The following PRIMPOL variants were observed in gnomAD, a reference collection of about 807,000 sequenced individuals.
PRIMPOL encodes primase and DNA directed polymerase.
In PRIMPOL, 54 loss-of-function variants were observed where a neutral mutation model predicts 63.6. The observed-to-expected ratio is 0.85, with a 90% CI of 0.68 to 1.07. The LOEUF is 1.07. PRIMPOL is among the 50% of genes least tolerant of loss of function. The pLI is 0.00. For synonymous variants in PRIMPOL, 197 were observed against 220.2 expected (o/e 0.89, Z 0.93); for missense variants, 610 against 648.3 (o/e 0.94, Z 0.64).
chr4:184,659,300 T>G, intron 3 of PRIMPOL, 40 bp from the exon 4 acceptor site: 2 of 1,493,898 alleles, frequency 1.3e-6, no homozygotes, highest in Non-Finnish European at 1.9e-6. Flanking sequence ...TAGGTTTGCA[T>G]TTTGTGAATT....
At chr4:184,685,806 T>TA in intron 11 of PRIMPOL, 122 bp downstream of exon 11, 1 of 548,802 alleles carries the variant, frequency 1.8e-6, no homozygotes. Flanking sequence ...GTATTAAATT[T>TA]CTTTTTTTTT....
chr4:184,677,583 C>T (rs1754453085), intron 7 of PRIMPOL, among the ~76,000 whole-genome samples: 1 of 152,012 alleles, frequency 6.6e-6, no homozygotes, highest in South Asian at 2.1e-4. Context: ...AAAACAATTC[C>T]TCTAAGTTTG....
chr4:184,694,938 T>A lies in PRIMPOL; in HGVS notation c.*159T>A. On this transcript the variant is annotated 3_prime_UTR_variant, in exon 14 of 14. Coordinates refer to ENST00000314970, the MANE Select transcript of PRIMPOL (RefSeq NM_152683.4). ...TCTGTAAACCAATTTCATTAAAAATTAGCTTTGGTGTAAATTCAGGAGAAA... is the reference window on the plus strand; with the variant it reads ...TCTGTAAACCAATTTCATTAAAAATAAGCTTTGGTGTAAATTCAGGAGAAA... 1 of 617,512 alleles carries A rather than the reference T, an allele frequency of 1.6e-6. No individual in the cohort carries two copies. The highest frequency in any genetic ancestry group is 2.7e-6 in the Non-Finnish European group (1 of 365,696). The allele number at this position is 617,512 out of a possible 1,614,324, so 38.3% of individuals were successfully genotyped here.
At position 184,665,712 on chromosome 4, in the gene PRIMPOL, C is replaced by T. The variant is rs150877175; in HGVS notation, c.409-205C>T. Among the ~76,000 whole-genome samples the T allele has an allele frequency of 3.5e-3, 533 of 151,912 alleles. 5 individuals carry two copies. Among genetic ancestry groups the T allele is most frequent in the African/African-American group, 0.012 (492 of 41,448 alleles). On this transcript the variant is annotated intron_variant, in intron 5 of 13. Coordinates refer to ENST00000314970, the MANE Select transcript of PRIMPOL (RefSeq NM_152683.4). Reference sequence around the variant, plus strand: ...TAGAGACTGGGTTTTACCATGTTGGCTAGGCTGGTCTCAAACTTCTGACTT... The same window carrying T: ...TAGAGACTGGGTTTTACCATGTTGGTTAGGCTGGTCTCAAACTTCTGACTT...
rs907749283 is a variant in PRIMPOL, at chr4:184,649,824, A to G, written c.-222A>G. 1 of 152,308 alleles carries G rather than the reference A, an allele frequency of 6.6e-6. No homozygotes were observed. Among genetic ancestry groups the G allele is most frequent in the South Asian group, 2.1e-4 (1 of 4,836 alleles). 9.4% of individuals were successfully genotyped at this position (152,308 alleles called of 1,614,324 possible). A position where few individuals can be genotyped will look rare whatever the true frequency, so the allele number is the denominator to read the frequency against. On this transcript the variant is annotated 5_prime_UTR_variant, in exon 1 of 14. Coordinates refer to ENST00000314970, the MANE Select transcript of PRIMPOL (RefSeq NM_152683.4). ...AGACTTGGAAACCGCGCCAGGCCCA[A>G]CGGGTACCTAGAAGGGAGACAAAGC...
rs1054976191 is a variant in PRIMPOL at position 184,692,372 on chromosome 4, G to A, written c.1425+660G>A. 2.0e-5 allele frequency among the ~76,000 whole-genome samples: 3 copies of A among 150,776 alleles called. No individual in the cohort carries two copies. The Admixed American group carries it at 2.0e-4, about 10-fold the overall frequency. Reference sequence around the variant, plus strand: ...GCCTATAATCCCAGCTACTCAGGAGGCTGAGGCAGGAGAATCCCTTGAACC... The same window carrying A: ...GCCTATAATCCCAGCTACTCAGGAGACTGAGGCAGGAGAATCCCTTGAACC... On this transcript the variant is annotated intron_variant, in intron 13 of 13. Transcript: ENST00000314970.
chr4:184,670,833 G>A (rs921875734), intron 6 of PRIMPOL, among the ~76,000 whole-genome samples: 4 of 152,038 alleles, frequency 2.6e-5, no homozygotes, highest in Non-Finnish European at 5.9e-5. Flanking sequence ...ACAGGCATGA[G>A]CCACCACACC....
intron 7 of PRIMPOL, among the ~76,000 whole-genome samples, chr4:184,674,357 A>C: frequency 6.6e-6 from 1 of 152,116 alleles, no homozygotes; most frequent in Non-Finnish European, 1.5e-5. Context: ...CAGAATGAAC[A>C]CCCCTTGTCA....
Position 184,691,562 on chromosome 4 carries a change from A to C in PRIMPOL, c.1359A>C (p.Ala453=). The C allele has an allele frequency of 6.2e-7, 1 of 1,608,906 alleles. No homozygotes were observed. Among genetic ancestry groups the C allele is most frequent in the Non-Finnish European group, 8.5e-7 (1 of 1,176,714 alleles). ...YQKCHDPVCK[A]ENFKSDCFPL... ...AATGTCATGACCCTGTATGTAAAGC[A>C]GAAAACTTCAAATCTGACTGTAAGT... is the stretch of plus-strand genomic sequence containing the variant. The change falls in exon 12 of 14, where the codon GCA becomes GCC. Residue 453 remains alanine, a synonymous_variant. Transcript: ENST00000314970.
chr4:184,685,807 CT>C (rs34039283), intron 11 of PRIMPOL, 123 bp downstream of exon 11: 1,973 of 490,284 alleles, frequency 4.0e-3, no homozygotes, highest in South Asian at 5.4e-3. Context: ...TATTAAATTT[CT>C]TTTTTTTTTC....
chr4:184,661,700 G>A (rs1218508750), intron 4 of PRIMPOL, 74 bp from the exon 5 acceptor site: 3 of 1,043,322 alleles, frequency 2.9e-6, no homozygotes, highest in African/African-American at 1.6e-5. Flanking sequence ...AGCTGACTCA[G>A]TCTCAGTCAG....
rs751586530 is a variant in PRIMPOL at position 184,685,679 on chromosome 4, T to G, written c.1290T>G (p.Asn430Lys). 2 of 1,416,288 alleles carry G rather than the reference T, an allele frequency of 1.4e-6. No individual in the cohort carries two copies. Among genetic ancestry groups the G allele is most frequent in the East Asian group, 4.6e-5 (2 of 43,768 alleles). The allele number at this position is 1,416,288 out of a possible 1,614,324, so 87.7% of individuals were successfully genotyped here. A position where few individuals can be genotyped will look rare whatever the true frequency, so the allele number is the denominator to read the frequency against. The change falls in exon 11 of 14, where the codon AAT becomes AAG. Residue 430 changes from asparagine to lysine, a missense_variant. Transcript: ENST00000314970. ...ENIGRAHKSN[N>K]IMILVDLKNE... Reference sequence around the variant, plus strand: ...TTGGAAGAGCCCATAAGAGTAATAATATAATGTAAGTAATATTAATGATTT... The same window carrying G: ...TTGGAAGAGCCCATAAGAGTAATAAGATAATGTAAGTAATATTAATGATTT...
At chr4:184,686,449 A>G (rs1402179899) in intron 11 of PRIMPOL, among the ~76,000 whole-genome samples, 1 of 152,218 alleles carries the variant, frequency 6.6e-6, no homozygotes, top group Admixed American at 6.5e-5. Flanking sequence ...AAGACACAGC[A>G]TGGTACTGAG....
chr4:184,653,836 A>G (rs1245838628), intron 2 of PRIMPOL, among the ~76,000 whole-genome samples: 1 of 152,168 alleles, frequency 6.6e-6, no homozygotes, highest in African/African-American at 2.4e-5. Flanking sequence ...GAGGGGAGGG[A>G]TGAGGAATGT....
intron 3 of PRIMPOL, among the ~76,000 whole-genome samples, chr4:184,658,060 G>A (rs920629573): frequency 2.8e-5 from 4 of 140,448 alleles, no homozygotes; most frequent in Non-Finnish European, 6.1e-5. Context: ...CAACAGATGT[G>A]TATTGCACAT....
chr4:184,657,259 C>G lies in PRIMPOL; in HGVS notation c.119C>G (p.Ser40Cys), dbSNP rs776795392. 6 of 1,613,774 alleles carry G rather than the reference C, an allele frequency of 3.7e-6. No individual in the cohort carries two copies. In the Admixed American group the frequency reaches 1.0e-4, roughly 27 times the overall value. The change falls in exon 3 of 14, where the codon TCC (serine) becomes TGC (cysteine). Residue 40 changes from serine to cysteine, a missense_variant. Transcript: ENST00000314970. ...PRLSKPEEPP[S>C]IWRLFHRQAQ... ...TTGTCCAAGCCAGAAGAACCACCCTCCATCTGGAGACTATTTCATCGACAA... is the reference window on the plus strand; with the variant it reads ...TTGTCCAAGCCAGAAGAACCACCCTGCATCTGGAGACTATTTCATCGACAA...
chr4:184,670,736 C>T (rs773473082), intron 6 of PRIMPOL, among the ~76,000 whole-genome samples: 6 of 151,756 alleles, frequency 4.0e-5, no homozygotes, highest in Admixed American at 6.6e-5. Context: ...TTAGTAGAGA[C>T]GCGGTTTCAC....
At chr4:184,685,377 T>A (rs767619627) in intron 9 of PRIMPOL, 32 bp from the exon 10 acceptor site, 4 of 1,453,226 alleles carry the variant, frequency 2.8e-6, no homozygotes, top group Non-Finnish European at 3.9e-6. Flanking sequence ...CTTTCAGCTA[T>A]TGTAATTTAT....
chr4:184,686,644 G>A (rs539475759), intron 11 of PRIMPOL, among the ~76,000 whole-genome samples: 1 of 152,198 alleles, frequency 6.6e-6, no homozygotes, highest in East Asian at 1.9e-4. Context: ...TCAGTTATGA[G>A]GTGAGAAATT....
Sources: gnomAD v4.1 joint callset for allele counts (sites outside exome capture counted in the v4.1 genomes callset) on GRCh38, gnomAD v4.1.1 for gene constraint, MANE v1.5 for transcripts, NCBI Gene and HGNC (gene_info 2026-07-23, HGNC 2026-07-21) for gene names.